The following MINDY4B variants were observed in gnomAD, a reference collection of about 807,000 sequenced individuals.
MINDY4B encodes MINDY family member 4B, also known as inactive ubiquitin carboxyl-terminal hydrolase MINDY-4B.
Under a neutral mutation model 16.7 loss-of-function variants are expected in MINDY4B, and 25 were observed. The ratio of observed to expected loss-of-function variants is 1.49; its 90% CI spans 1.09 to 2.09. MINDY4B has a LOEUF of 2.09. Among genes scored for constraint, MINDY4B ranks in the 30% most tolerant of loss-of-function variants. The probability of loss-of-function intolerance (pLI) is 0.00; values close to 1 mark genes in which losing one functional copy is unlikely to be tolerated. For synonymous variants in MINDY4B, 132 were observed against 61.9 expected (o/e 2.13, Z -5.32); for missense variants, 327 against 168.4 (o/e 1.94, Z -5.21).
rs1716946364 is a variant in MINDY4B, at chr3:150,870,733, A to G, written c.*312T>C. Among the ~76,000 whole-genome samples the G allele has an allele frequency of 6.6e-6, 1 of 152,234 alleles. No individual in the cohort carries two copies. The highest frequency in any genetic ancestry group is 1.5e-5 in the Non-Finnish European group (1 of 68,048). On this transcript the variant is annotated 3_prime_UTR_variant, in exon 12 of 12. Coordinates refer to ENST00000465419, the MANE Select transcript of MINDY4B (RefSeq NM_001351281.2). ...TCATGGAGAGTTATACCAAGAAAAGACAACTTTGGAAAAACATGCAAGAGA... is the reference window on the plus strand; with the variant it reads ...TCATGGAGAGTTATACCAAGAAAAGGCAACTTTGGAAAAACATGCAAGAGA...
rs745531192 is a variant in MINDY4B, at chr3:150,890,323, TAGTA to T, written c.746_749del (p.Leu249TyrfsTer18). 4.8e-6 allele frequency: 3 copies of T among 623,204 alleles called. No individual in the cohort carries two copies. The highest frequency in any genetic ancestry group is 8.5e-6 in the Non-Finnish European group (3 of 353,592). The allele number at this position is 623,204 out of a possible 1,614,324, so 38.6% of individuals were successfully genotyped here. On this transcript the variant is annotated frameshift_variant, in exon 7 of 12. Coordinates refer to ENST00000465419, the MANE Select transcript of MINDY4B (RefSeq NM_001351281.2). LOFTEE classifies it high-confidence loss of function. Reference sequence around the variant, plus strand: ...ATCTCAACACTTAAACACTTACACATAGTAAGTGATCGTAGATGAATTTCTCAGC... The same window carrying T: ...ATCTCAACACTTAAACACTTACACATAGTGATCGTAGATGAATTTCTCAGC...
At chr3:150,884,042 C>G (rs919614175) in intron 8 of MINDY4B, among the ~76,000 whole-genome samples, 2 of 152,178 alleles carry the variant, frequency 1.3e-5, no homozygotes, top group Non-Finnish European at 2.9e-5. Flanking sequence ...TGGGTGGATG[C>G]TGGACTCAGT....
chr3:150,894,267 G>A lies in MINDY4B; in HGVS notation c.348C>T (p.Val116=). The A allele has an allele frequency of 2.9e-6, 2 of 700,564 alleles. No homozygotes were observed. The highest frequency in any genetic ancestry group is 2.3e-4 in the Middle Eastern group (1 of 4,342). The allele number at this position is 700,564 out of a possible 1,614,324, so 43.4% of individuals were successfully genotyped here. The change falls in exon 4 of 12, where the codon GTC becomes GTT. Residue 116 remains valine, a synonymous_variant. Transcript: ENST00000465419. ...AGGCCTTTTTCCAGTTATAGCTAAA[G>A]ACATGGACTGTGTTTCCAAACAGGA... ...RQILFGNTVH[V]FSYNWKKAYF...
At chr3:150,890,294 A>G (rs997253398) in intron 7 of MINDY4B, 26 bp downstream of exon 7, 5 of 496,398 alleles carry the variant, frequency 1.0e-5, no homozygotes, top group Admixed American at 3.8e-5. Flanking sequence ...AACATAAAGG[A>G]ATTATCTCAA....
chr3:150,875,488 T>A (rs937216085), intron 10 of MINDY4B, among the ~76,000 whole-genome samples: 2 of 152,322 alleles, frequency 1.3e-5, no homozygotes, highest in South Asian at 2.1e-4. Context: ...TACACATATA[T>A]GATATTGTTT....
intron 10 of MINDY4B, among the ~76,000 whole-genome samples, chr3:150,880,872 C>T (rs1468543197): frequency 2.0e-5 from 3 of 152,100 alleles, no homozygotes; most frequent in South Asian, 2.1e-4. Context: ...AGTGACCACA[C>T]GTGGTTGAAA....
chr3:150,896,568 C>CG, intron 3 of MINDY4B, among the ~76,000 whole-genome samples: 1 of 152,328 alleles, frequency 6.6e-6, no homozygotes, highest in South Asian at 2.1e-4. Flanking sequence ...TTTTGTCCCA[C>CG]GGGGCGTTCC....
At position 150,883,745 on chromosome 3, in the gene MINDY4B, G is replaced by A; in HGVS notation, c.852C>T (p.Thr284=). ...CAGCATTTGGTTGTAGCAGCTGAGT[G>A]GTGGTGACATCTAGGTCCATTTGAA... ...ERLQMDLDVT[T]TQLLQPNAGG... is the part of the protein sequence containing the mutation. The change falls in exon 9 of 12, where the codon ACC becomes ACT. Residue 284 remains threonine (T), a synonymous_variant. Coordinates refer to ENST00000465419, the MANE Select transcript of MINDY4B (RefSeq NM_001351281.2). 1.4e-6 allele frequency: 1 copy of A among 702,788 alleles called. No individual in the cohort carries two copies. Among genetic ancestry groups the A allele is most frequent in the Non-Finnish European group, 2.6e-6 (1 of 384,832 alleles). 43.5% of individuals were successfully genotyped at this position (702,788 alleles called of 1,614,324 possible).
chr3:150,881,968 T>C (rs187941253), intron 10 of MINDY4B, among the ~76,000 whole-genome samples: 1 of 152,198 alleles, frequency 6.6e-6, no homozygotes, highest in African/African-American at 2.4e-5. Flanking sequence ...GAAAGGCGTT[T>C]TGAGTGGGAA....
In MINDY4B at chr3:150,878,378, G is replaced by C. The variant is rs551320975; in HGVS notation, c.1059+4519C>G. 6.6e-5 allele frequency among the ~76,000 whole-genome samples: 10 copies of C among 152,208 alleles called. No homozygotes were observed. In the South Asian group the frequency reaches 2.1e-3, roughly 32 times the overall value. On this transcript the variant is annotated intron_variant, in intron 10 of 11. Coordinates refer to ENST00000465419, the MANE Select transcript of MINDY4B (RefSeq NM_001351281.2). The stretch of plus-strand genomic sequence containing the variant: ...TTCTAACATATTCATACATGCCAGG[G>C]GTTCAAGTAAGAAAACTAACTGCCA...
chr3:150,873,386 A>G lies in MINDY4B; in HGVS notation c.1060-19T>C, dbSNP rs1265477639. 1 of 700,078 alleles carries G rather than the reference A, an allele frequency of 1.4e-6. No individual in the cohort carries two copies. Among genetic ancestry groups the G allele is most frequent in the Non-Finnish European group, 2.6e-6 (1 of 383,726 alleles). The allele number at this position is 700,078 out of a possible 1,614,324, so 43.4% of individuals were successfully genotyped here. On this transcript the variant is annotated intron_variant, in intron 10 of 11. Transcript: ENST00000465419. ...TGCCCACCTGGAAAGGGGAAGGGGAATGCAGATAAATATATAGATTTTGCC... is the reference window on the plus strand; with the variant it reads ...TGCCCACCTGGAAAGGGGAAGGGGAGTGCAGATAAATATATAGATTTTGCC...
chr3:150,893,700 G>GTT (rs1711882256), intron 4 of MINDY4B, among the ~76,000 whole-genome samples: 1 of 79,184 alleles, frequency 1.3e-5, no homozygotes, highest in African/African-American at 3.3e-5. Context: ...TTTTTTTGGG[G>GTT]GGGGGGGTGG....
chr3:150,897,428 C>G (rs573805927), intron 3 of MINDY4B, among the ~76,000 whole-genome samples: 4 of 151,286 alleles, frequency 2.6e-5, no homozygotes, highest in Admixed American at 2.6e-4. Flanking sequence ...GGGCCTGATC[C>G]TGGATAACTT....
At chr3:150,885,602 G>T (rs1197903545) in intron 7 of MINDY4B, among the ~76,000 whole-genome samples, 164 bp from the exon 8 acceptor site, 1 of 152,130 alleles carries the variant, frequency 6.6e-6, no homozygotes, top group Admixed American at 6.5e-5. Context: ...TCTAAAATTT[G>T]TTCTCTTTCC....
chr3:150,893,273 T>C (rs1711863587), intron 5 of MINDY4B, 51 bp downstream of exon 5: 1 of 701,434 alleles, frequency 1.4e-6, no homozygotes, highest in Non-Finnish European at 2.6e-6. Flanking sequence ...ATTTAGCATA[T>C]CAAGATTCTA....
At chr3:150,889,890 GACAGGTGAA>G (rs1270933190) in intron 7 of MINDY4B, among the ~76,000 whole-genome samples, 1 of 152,234 alleles carries the variant, frequency 6.6e-6, no homozygotes, top group African/African-American at 2.4e-5. Context: ...GGTGCTGATA[GACAGGTGAA>G]ACAGGACCTT....
intron 7 of MINDY4B, among the ~76,000 whole-genome samples, chr3:150,887,543 C>G (rs1484803448): frequency 6.6e-6 from 1 of 152,102 alleles, no homozygotes; most frequent in Non-Finnish European, 1.5e-5. Context: ...TGAGGACATT[C>G]AAGAATATAG....
chr3:150,891,868 A>T (rs1439189850), intron 5 of MINDY4B, among the ~76,000 whole-genome samples: 1 of 151,876 alleles, frequency 6.6e-6, no homozygotes, highest in Non-Finnish European at 1.5e-5. Flanking sequence ...GGAAATAGAG[A>T]CACCTTGTGA....
chr3:150,885,483 C>T (rs1363235357), intron 7 of MINDY4B, 45 bp from the exon 8 acceptor site: 2 of 698,190 alleles, frequency 2.9e-6, no homozygotes, highest in African/African-American at 1.8e-5. Flanking sequence ...AAAAGCAACA[C>T]AGACACGTGT....
Sources: allele counts gnomAD v4.1 joint callset (sites outside exome capture counted in the v4.1 genomes callset), GRCh38; gene constraint gnomAD v4.1.1; transcripts MANE v1.5; gene names NCBI Gene and HGNC (gene_info 2026-07-23, HGNC 2026-07-21).